RALYL: variants seen among roughly 807,000 people sequenced by gnomAD.
RALYL encodes RNA-binding Raly-like protein.
In RALYL, 29 loss-of-function variants were observed where a neutral mutation model predicts 35.1. That is an observed-to-expected ratio of 0.83 (90% CI 0.61 to 1.13). RALYL has a LOEUF of 1.13. Among genes scored for constraint, RALYL ranks in the 50% most tolerant of loss-of-function variants. RALYL has a pLI of 0.00. For synonymous variants in RALYL, 120 were observed against 127.6 expected (o/e 0.94, Z 0.40); for missense variants, 359 against 360.4 (o/e 1.00, Z 0.03).
chr8:84,555,060 C>T (rs756897015), intron 2 of RALYL, among the ~76,000 whole-genome samples: 1 of 152,166 alleles, frequency 6.6e-6, no homozygotes, highest in Non-Finnish European at 1.5e-5. Flanking sequence ...GCGGGCAGAT[C>T]ACGAGGTCAG....
At chr8:84,654,286 T>TAC (rs1168124489) in intron 2 of RALYL, among the ~76,000 whole-genome samples, 13 of 100,654 alleles carry the variant, frequency 1.3e-4, no homozygotes, top group African/African-American at 5.9e-4. Context: ...TATATATATA[T>TAC]ATATATATAT....
intron 1 of RALYL, among the ~76,000 whole-genome samples, chr8:84,372,636 T>C (rs929574456): frequency 6.6e-6 from 1 of 151,906 alleles, no homozygotes; most frequent in African/African-American, 2.4e-5. Flanking sequence ...CCCAGGAGGA[T>C]GACTGGGAGA....
chr8:84,282,747 C>CGTGTGTGTGT (rs5892909), intron 1 of RALYL, among the ~76,000 whole-genome samples: 3 of 148,686 alleles, frequency 2.0e-5, no homozygotes, highest in African/African-American at 7.5e-5. Flanking sequence ...TATGTGTATG[C>CGTGTGTGTGT]GTGTGTGTGT....
At chr8:84,870,446 CG>C (rs370563577) in intron 6 of RALYL, among the ~76,000 whole-genome samples, 1,803 of 151,332 alleles carry the variant, frequency 0.012, 38 homozygotes, top group African/African-American at 0.041. Flanking sequence ...TTAGTAGAGA[CG>C]GGGTTTTACC....
intron 2 of RALYL, among the ~76,000 whole-genome samples, chr8:84,714,584 A>G (rs565754714): frequency 6.6e-6 from 1 of 152,018 alleles, no homozygotes; most frequent in South Asian, 2.1e-4. Context: ...AAAGATAACC[A>G]TTCATAAGCA....
chr8:84,854,928 G>A (rs925921552), intron 5 of RALYL, among the ~76,000 whole-genome samples: 3 of 152,162 alleles, frequency 2.0e-5, no homozygotes, highest in Non-Finnish European at 4.4e-5. Context: ...TCTGAGATGG[G>A]GATATGGGCT....
intron 1 of RALYL, among the ~76,000 whole-genome samples, chr8:84,344,216 C>T (rs975999494): frequency 6.6e-6 from 1 of 151,908 alleles, no homozygotes; most frequent in East Asian, 1.9e-4. Flanking sequence ...TACAGATTAA[C>T]CTATTAAGAA....
chr8:84,728,170 C>A (rs946953225), intron 2 of RALYL, among the ~76,000 whole-genome samples: 2 of 151,660 alleles, frequency 1.3e-5, no homozygotes, highest in African/African-American at 4.9e-5. Context: ...GCCATTCTAA[C>A]TGGTGTGAGA....
At chr8:84,446,785 T>C (rs1412156177) in intron 1 of RALYL, among the ~76,000 whole-genome samples, 1 of 152,060 alleles carries the variant, frequency 6.6e-6, no homozygotes, top group African/African-American at 2.4e-5. Context: ...GGGGGTGCCA[T>C]GCAGGGGGCA....
chr8:84,916,484 G>A (rs1848499754), intron 8 of RALYL, among the ~76,000 whole-genome samples: 1 of 151,968 alleles, frequency 6.6e-6, no homozygotes. Context: ...TGCTGTTCTT[G>A]TGATGGTACA....
intron 2 of RALYL, among the ~76,000 whole-genome samples, chr8:84,708,040 T>G (rs1380993089): frequency 6.6e-6 from 1 of 152,130 alleles, no homozygotes; most frequent in Non-Finnish European, 1.5e-5. Context: ...AGAAGGAAAG[T>G]CTTCTTACAA....
chr8:84,731,547 A>G (rs1488705), intron 2 of RALYL, among the ~76,000 whole-genome samples: 2,559 of 152,204 alleles, frequency 0.017, 80 homozygotes, highest in African/African-American at 0.057. Flanking sequence ...AAATTGTTCT[A>G]TAATCCATCC....
At chr8:84,320,332 C>G (rs1231683920) in intron 1 of RALYL, among the ~76,000 whole-genome samples, 1 of 151,884 alleles carries the variant, frequency 6.6e-6, no homozygotes, top group East Asian at 1.9e-4. Flanking sequence ...TCTACCTTCT[C>G]TTGCTCTCTT....
At chr8:84,552,345 TA>T (rs2060786594) in intron 2 of RALYL, among the ~76,000 whole-genome samples, 1 of 75,874 alleles carries the variant, frequency 1.3e-5, no homozygotes, top group African/African-American at 6.9e-5. Context: ...TGTGTATATA[TA>T]TATATATATA....
intron 1 of RALYL, among the ~76,000 whole-genome samples, chr8:84,193,390 G>A (rs1243845393): frequency 2.0e-5 from 3 of 152,156 alleles, no homozygotes; most frequent in South Asian, 2.1e-4. Flanking sequence ...TAGTAGTAGC[G>A]CAAGGAGATG....
chr8:84,698,262 A>C (rs1390676074), intron 2 of RALYL, among the ~76,000 whole-genome samples: 1 of 152,136 alleles, frequency 6.6e-6, no homozygotes, highest in Non-Finnish European at 1.5e-5. Flanking sequence ...CAAAGCAAGC[A>C]CTTAATAATT....
chr8:84,332,040 T>C (rs568762229), intron 1 of RALYL, among the ~76,000 whole-genome samples: 1 of 152,276 alleles, frequency 6.6e-6, no homozygotes, highest in South Asian at 2.1e-4. Context: ...CAACATTTTG[T>C]GGTCCCGAAT....
chr8:84,913,007 G>T (rs1847757747), intron 8 of RALYL, among the ~76,000 whole-genome samples: 1 of 129,970 alleles, frequency 7.7e-6, no homozygotes, highest in African/African-American at 3.1e-5. Context: ...TGGATGGATG[G>T]ATGGATGGAT....
intron 2 of RALYL, among the ~76,000 whole-genome samples, chr8:84,696,931 G>A (rs565049837): frequency 8.5e-5 from 13 of 152,076 alleles, no homozygotes; most frequent in African/African-American, 3.1e-4. Flanking sequence ...GAGGTTTCGA[G>A]ATGGATTTCT....
Sources: gnomAD v4.1 joint callset for allele counts (sites outside exome capture counted in the v4.1 genomes callset) on GRCh38, gnomAD v4.1.1 for gene constraint, MANE v1.5 for transcripts, NCBI Gene and HGNC (gene_info 2026-07-23, HGNC 2026-07-21) for gene names.